Variants in ANKRD27 observed in about 807,000 individuals in gnomAD.
ANKRD27 encodes ankyrin repeat domain 27, also known as ankyrin repeat domain-containing protein 27.
Under a neutral mutation model 129.7 loss-of-function variants are expected in ANKRD27, and 112 were observed. That is an observed-to-expected ratio of 0.86 (90% CI 0.74 to 1.01). The LOEUF is 1.01. ANKRD27 is among the 50% of genes least tolerant of loss of function. The pLI is 0.00. For synonymous variants in ANKRD27, 516 were observed against 511.2 expected (o/e 1.01, Z -0.13); for missense variants, 1,258 against 1,300.5 (o/e 0.97, Z 0.50).
rs148464824 is a variant in ANKRD27 at position 32,643,459 on chromosome 19, T to C, written c.611A>G (p.Gln204Arg). The C allele has an allele frequency of 6.2e-7, 1 of 1,613,774 alleles. No individual in the cohort carries two copies. The highest frequency in any genetic ancestry group is 1.1e-5 in the South Asian group (1 of 91,072). The change falls in exon 7 of 29, where the codon CAG becomes CGG. Residue 204 changes from glutamine (Q) to arginine (R), a missense_variant. Gln to Arg is a conservative substitution (Grantham distance 43). Transcript: ENST00000306065. ...CACTGCCTGCTTCATCAGGTTCATC[T>C]GGGCCTCCTGCTTGGCGAGCATTTT... is the stretch of plus-strand genomic sequence containing the variant. ...HLKMLAKQEA[Q>R]MNLMKQAVEI...
intron 22 of ANKRD27, among the ~76,000 whole-genome samples, chr19:32,609,083 G>A (rs572714671): frequency 6.7e-6 from 1 of 149,810 alleles, no homozygotes; most frequent in Admixed American, 6.7e-5. Flanking sequence ...GGCTAGGCTG[G>A]GCAACAGAGC....
chr19:32,673,483 C>T lies in ANKRD27; in HGVS notation c.-31+1588G>A, dbSNP rs1463486395. On this transcript the variant is annotated intron_variant, in intron 1 of 28. Coordinates refer to ENST00000306065, the MANE Select transcript of ANKRD27 (RefSeq NM_032139.3). ...CTGCACTCCCCACCAGGTGAGCCCTCAACTTCTCTGCTAGGTGCTCAGGAC... is the reference window on the plus strand; with the variant it reads ...CTGCACTCCCCACCAGGTGAGCCCTTAACTTCTCTGCTAGGTGCTCAGGAC... 6.1e-6 allele frequency: 6 copies of T among 984,406 alleles called. No homozygotes were observed. In the East Asian group the frequency reaches 4.5e-4, roughly 74 times the overall value. The allele number at this position is 984,406 out of a possible 1,614,324, so 61.0% of individuals were successfully genotyped here. A position where few individuals can be genotyped will look rare whatever the true frequency, so the allele number is the denominator to read the frequency against.
chr19:32,625,960 G>A lies in ANKRD27; in HGVS notation c.1543C>T (p.Leu515=). The A allele has an allele frequency of 3.7e-6, 6 of 1,607,276 alleles. No individual in the cohort carries two copies. Among genetic ancestry groups the A allele is most frequent in the East Asian group, 2.2e-5 (1 of 44,638 alleles). ...QKGYQSVTLL[L]LHYKASAEVQ... ...TCCGCGCTGGCCTTGTAGTGCAGCA[G>A]CAGCAGCTGCGGAGATAAAGGAAAG... Residue 515 remains leucine, a synonymous_variant, in exon 17 of 29, where the codon CTG becomes TTG. Transcript: ENST00000306065.
At chr19:32,665,045 G>A (rs1967724387) in intron 1 of ANKRD27, among the ~76,000 whole-genome samples, 1 of 150,564 alleles carries the variant, frequency 6.6e-6, no homozygotes, top group Non-Finnish European at 1.5e-5. Context: ...CACATTTCAT[G>A]TGCTCAATAG....
In ANKRD27 at chr19:32,659,049, C is replaced by T; in HGVS notation, c.-30-4G>A. The T allele has an allele frequency of 6.7e-7, 1 of 1,502,306 alleles. No homozygotes were observed. The highest frequency in any genetic ancestry group is 9.3e-7 in the Non-Finnish European group (1 of 1,078,900). The allele number at this position is 1,502,306 out of a possible 1,614,324, so 93.1% of individuals were successfully genotyped here. On this transcript the variant is annotated splice_polypyrimidine_tract_variant and splice_region_variant and intron_variant, in intron 1 of 28. Coordinates refer to ENST00000306065, the MANE Select transcript of ANKRD27 (RefSeq NM_032139.3). ...CAGATGGGTCAGAGCAAATCTCCTGCAATAAGGGAGGGAAAAGCAGTGAAT... is the reference window on the plus strand; with the variant it reads ...CAGATGGGTCAGAGCAAATCTCCTGTAATAAGGGAGGGAAAAGCAGTGAAT...
At chr19:32,604,220 A>G (rs1971695646) in intron 25 of ANKRD27, 43 bp downstream of exon 25, 2 of 1,558,368 alleles carry the variant, frequency 1.3e-6, no homozygotes, top group African/African-American at 1.4e-5. Context: ...GGGAGCTGTG[A>G]GGAGCTCAGG....
chr19:32,613,801 C>T (rs368240636), intron 22 of ANKRD27, among the ~76,000 whole-genome samples: 16 of 151,528 alleles, frequency 1.1e-4, no homozygotes, highest in African/African-American at 3.4e-4. Context: ...CCCTGCCTCC[C>T]GGGTTCACGC....
rs1351292042 is a variant in ANKRD27, at chr19:32,599,705, T to C, written c.2918A>G (p.Glu973Gly). The C allele has an allele frequency of 3.7e-6, 6 of 1,612,088 alleles. No individual in the cohort carries two copies. Among genetic ancestry groups the C allele is most frequent in the Non-Finnish European group, 5.1e-6 (6 of 1,179,460 alleles). Residue 973 changes from glutamate to glycine, a missense_variant and splice_region_variant, in exon 28 of 29, where the codon GAG becomes GGG. Glu to Gly is a moderately conservative substitution (Grantham distance 98). Coordinates refer to ENST00000306065, the MANE Select transcript of ANKRD27 (RefSeq NM_032139.3). ...AAAAGCCAGTGTTTAATAACTTACCTCATGCAAAGAACCTTCGGTTAAATT... is the reference window on the plus strand; with the variant it reads ...AAAAGCCAGTGTTTAATAACTTACCCCATGCAAAGAACCTTCGGTTAAATT... ...VPNLTEGSLH[E>G]PGRQSVTLRQ...
chr19:32,631,267 C>T (rs1966987089), intron 13 of ANKRD27, 135 bp downstream of exon 13: 1 of 764,272 alleles, frequency 1.3e-6, no homozygotes, highest in African/African-American at 1.7e-5. Flanking sequence ...TTATCACCCA[C>T]CTCGGCCTCC....
intron 2 of ANKRD27, among the ~76,000 whole-genome samples, chr19:32,657,936 CCA>C (rs1967573616): frequency 6.6e-6 from 1 of 151,988 alleles, no homozygotes; most frequent in South Asian, 2.1e-4. Context: ...GATCACGCCA[CCA>C]CACTCCAGCC....
In ANKRD27 at chr19:32,607,164, AAAG is replaced by A. The variant is rs1217869263; in HGVS notation, c.2373+468_2373+470del. Among the ~76,000 whole-genome samples, 41 of 147,360 alleles carry A rather than the reference AAAG, an allele frequency of 2.8e-4. 2 individuals carry two copies. The highest frequency in any genetic ancestry group is 5.3e-4 in the African/African-American group (21 of 39,788). ...TGTCTTAAAAAAAAAAAAAAAAAAA[AAAG>A]GCAAAAAACCCCAGCACTTTCAAAA... On this transcript the variant is annotated intron_variant, in intron 23 of 28. Transcript: ENST00000306065.
intron 12 of ANKRD27, chr19:32,636,330 G>A (rs74967813): frequency 0.011 from 1,763 of 156,976 alleles, 38 homozygotes; most frequent in African/African-American, 0.04. Context: ...AATGAGAAAC[G>A]AAAGGAATGG....
At chr19:32,663,751 T>A (rs1013570199) in intron 1 of ANKRD27, among the ~76,000 whole-genome samples, 3 of 152,172 alleles carry the variant, frequency 2.0e-5, no homozygotes, top group African/African-American at 7.2e-5. Context: ...AATTTTCTAG[T>A]AGCACATTAA....
At chr19:32,607,157 A>C (rs1363899778) in intron 23 of ANKRD27, among the ~76,000 whole-genome samples, 1 of 147,154 alleles carries the variant, frequency 6.8e-6, no homozygotes, top group Non-Finnish European at 1.5e-5. Context: ...AAAAAAAAAA[A>C]AAAAAAAAAG....
At chr19:32,627,378 A>ATTT (rs1568405263) in intron 15 of ANKRD27, among the ~76,000 whole-genome samples, 1 of 45,212 alleles carries the variant, frequency 2.2e-5, no homozygotes, top group Non-Finnish European at 4.0e-5. Context: ...TTATTTATTT[A>ATTT]TTTATTTATT....
rs892754789 is a variant in ANKRD27, at chr19:32,600,243, G to A, written c.2768-193C>T. 1.3e-5 allele frequency: 6 copies of A among 472,186 alleles called. No homozygotes were observed. In the East Asian group the frequency reaches 2.1e-4, roughly 17 times the overall value. 29.2% of individuals were successfully genotyped at this position (472,186 alleles called of 1,614,324 possible). ...AGTATCTCCAATCCAAAAATCTAAAGCCTAAAATGCCACAGGCTGGGTGCA... is the reference window on the plus strand; with the variant it reads ...AGTATCTCCAATCCAAAAATCTAAAACCTAAAATGCCACAGGCTGGGTGCA... On this transcript the variant is annotated intron_variant, in intron 26 of 28. Transcript: ENST00000306065.
At chr19:32,645,052 T>G (rs1967275447) in intron 4 of ANKRD27, among the ~76,000 whole-genome samples, 1 of 152,218 alleles carries the variant, frequency 6.6e-6, no homozygotes, top group Non-Finnish European at 1.5e-5. Flanking sequence ...TAGGAACCAC[T>G]GAAAACAATT....
chr19:32,643,163 C>T lies in ANKRD27; in HGVS notation c.742G>A (p.Asp248Asn). Reference sequence around the variant, plus strand: ...ACACCAATATCTTTCTGCTGAAGATCTTGAAGGCTTCTTGTGATTTTGTTA... The same window carrying T: ...ACACCAATATCTTTCTGCTGAAGATTTTGAAGGCTTCTTGTGATTTTGTTA... ...AFNKITRSLQ[D>N]LQQKDIGVKP... The change falls in exon 9 of 29, where the codon GAT becomes AAT. Residue 248 changes from aspartate (D) to asparagine (N), a missense_variant. Transcript: ENST00000306065. The T allele has an allele frequency of 6.2e-7, 1 of 1,614,028 alleles. No homozygotes were observed. The highest frequency in any genetic ancestry group is 1.1e-5 in the South Asian group (1 of 91,074).
intron 1 of ANKRD27, among the ~76,000 whole-genome samples, chr19:32,671,813 A>C (rs1967875680): frequency 6.6e-6 from 1 of 152,270 alleles, no homozygotes; most frequent in Non-Finnish European, 1.5e-5. Flanking sequence ...CTTTTAAAAA[A>C]TTCCATCCCT....
Sources: allele counts gnomAD v4.1 joint callset (sites outside exome capture counted in the v4.1 genomes callset), GRCh38; gene constraint gnomAD v4.1.1; transcripts MANE v1.5; gene names NCBI Gene and HGNC (gene_info 2026-07-23, HGNC 2026-07-21).